The following SLC4A4 variants were observed in gnomAD, a reference collection of about 807,000 sequenced individuals.
SLC4A4 encodes the protein electrogenic sodium bicarbonate cotransporter 1.
SLC4A4 carries 27 observed loss-of-function variants against 111.5 expected under a neutral mutation model. That is an observed-to-expected ratio of 0.24 (90% confidence interval 0.18 to 0.33). SLC4A4 has a LOEUF of 0.33. Ranked by LOEUF, SLC4A4 falls within the 10% of genes least tolerant of loss-of-function variation. The pLI is 1.00. For synonymous variants in SLC4A4, 443 were observed against 463.4 expected, an observed-to-expected ratio of 0.96 and a Z score of 0.57; for missense variants, 909 against 1,315.5, an observed-to-expected ratio of 0.69 and a Z score of 4.78.
At chr4:71,397,754 C>G in intron 7 of SLC4A4, 101 bp downstream of exon 7, 2 of 1,023,046 alleles carry the variant, frequency 2.0e-6, no homozygotes, top group Non-Finnish European at 3.1e-6. Context: ...TAAAATGGAC[C>G]TTTACGTGCA....
At chr4:71,542,579 G>A (rs757982885) in intron 18 of SLC4A4, among the ~76,000 whole-genome samples, 1 of 151,908 alleles carries the variant, frequency 6.6e-6, no homozygotes, top group African/African-American at 2.4e-5. Context: ...TCTCAGAATG[G>A]CAACTTGCTT....
chr4:71,503,453 G>A (rs1313264068), intron 16 of SLC4A4, among the ~76,000 whole-genome samples: 2 of 151,638 alleles, frequency 1.3e-5, no homozygotes, highest in Admixed American at 6.6e-5. Context: ...CCTTTCTCAT[G>A]TGTTTATCAG....
chr4:71,421,006 G>T (rs1328457580), intron 7 of SLC4A4, among the ~76,000 whole-genome samples: 3 of 148,058 alleles, frequency 2.0e-5, no homozygotes, highest in African/African-American at 7.5e-5. Flanking sequence ...AAATGTAAAT[G>T]GACTAAATGC....
chr4:71,154,763 GAA>G (rs1450895549), intron 2 of SLC4A4, among the ~76,000 whole-genome samples: 1 of 151,740 alleles, frequency 6.6e-6, no homozygotes, highest in Admixed American at 6.6e-5. Context: ...GAAGAAACTA[GAA>G]AAAAAGCAAA....
intron 2 of SLC4A4, among the ~76,000 whole-genome samples, chr4:71,155,829 T>C (rs759118681): frequency 3.9e-5 from 6 of 152,168 alleles, no homozygotes; most frequent in Non-Finnish European, 7.4e-5. Flanking sequence ...ATAACCCAAT[T>C]AATTGGGGGC....
At chr4:71,083,881 TG>T (rs889345350) in intron 1 of SLC4A4, among the ~76,000 whole-genome samples, 2 of 150,192 alleles carry the variant, frequency 1.3e-5, no homozygotes, top group African/African-American at 4.9e-5. Context: ...GTGCATTGCC[TG>T]GCACATGGTA....
In SLC4A4 at chr4:71,457,684, C is replaced by A. The variant is rs573213529; in HGVS notation, c.1497+4015C>A. ...TGTCAGGTAAACAAAGGCTTTTCAT[C>A]CTTACCATCCTAAATAACGTGTCCC... On this transcript the variant is annotated intron_variant, in intron 12 of 25. Transcript: ENST00000264485. 8.5e-5 allele frequency among the ~76,000 whole-genome samples: 13 copies of A among 152,218 alleles called. No homozygotes were observed. The South Asian group carries it at 2.7e-3, about 32-fold the overall frequency.
chr4:71,464,567 T>G (rs1727142579), intron 12 of SLC4A4, among the ~76,000 whole-genome samples: 1 of 152,158 alleles, frequency 6.6e-6, no homozygotes, highest in Non-Finnish European at 1.5e-5. Context: ...CTGCCAGGCT[T>G]CAAACCTAGA....
chr4:71,158,267 A>G (rs1331198109), intron 2 of SLC4A4, among the ~76,000 whole-genome samples: 1 of 152,098 alleles, frequency 6.6e-6, no homozygotes, highest in Non-Finnish European at 1.5e-5. Flanking sequence ...ACAAATGTAC[A>G]ACTGTGACCT....
chr4:71,310,156 C>A (rs535971974), intron 3 of SLC4A4, among the ~76,000 whole-genome samples: 1 of 151,874 alleles, frequency 6.6e-6, no homozygotes, highest in Non-Finnish European at 1.5e-5. Flanking sequence ...AAGGAATGAA[C>A]AAAACCTCCA....
chr4:71,416,543 G>A (rs1454466431), intron 7 of SLC4A4, among the ~76,000 whole-genome samples: 1 of 152,054 alleles, frequency 6.6e-6, no homozygotes, highest in East Asian at 1.9e-4. Flanking sequence ...TAGATAAGGG[G>A]GAATTTCTAA....
intron 7 of SLC4A4, among the ~76,000 whole-genome samples, chr4:71,436,283 T>G (rs1724138846): frequency 6.6e-6 from 1 of 152,084 alleles, no homozygotes; most frequent in Non-Finnish European, 1.5e-5. Context: ...CTGGAAACCA[T>G]CATTCTCAGC....
chr4:71,563,664 A>T, intron 23 of SLC4A4, 129 bp from the exon 24 acceptor site: 2 of 709,352 alleles, frequency 2.8e-6, no homozygotes, highest in South Asian at 1.6e-5. Context: ...GGCAAACTGG[A>T]AGTAATTATA....
chr4:71,347,310 G>A (rs1410432096), intron 4 of SLC4A4, among the ~76,000 whole-genome samples: 1 of 152,114 alleles, frequency 6.6e-6, no homozygotes. Context: ...TTGGACAGTT[G>A]AGGATTGTCT....
At chr4:71,536,601 A>T (rs1217280403) in intron 18 of SLC4A4, among the ~76,000 whole-genome samples, 1 of 149,692 alleles carries the variant, frequency 6.7e-6, no homozygotes, top group Non-Finnish European at 1.5e-5. Flanking sequence ...GGTTCAAGTG[A>T]TTCTCCTGCC....
intron 3 of SLC4A4, among the ~76,000 whole-genome samples, chr4:71,259,113 C>T (rs904676145): frequency 2.0e-5 from 3 of 152,030 alleles, no homozygotes; most frequent in African/African-American, 7.3e-5. Flanking sequence ...GTGCTTCATC[C>T]GTGGCAATAT....
At position 71,551,544 on chromosome 4, in the gene SLC4A4, A is replaced by G. The variant is rs527385598; in HGVS notation, c.2695-3596A>G. On this transcript the variant is annotated intron_variant, in intron 20 of 25. Coordinates refer to ENST00000264485, the MANE Select transcript of SLC4A4 (RefSeq NM_001098484.3). ...AAAAATTGTCTCTCTTTTACACATA[A>G]GAAAATTTATTAATGACTTACCAGG... Among the ~76,000 whole-genome samples, 28 of 152,046 alleles carry G rather than the reference A, an allele frequency of 1.8e-4. No homozygotes were observed. The South Asian group carries it at 2.5e-3, about 14-fold the overall frequency.
At chr4:71,567,189 A>G (rs749993638) in intron 25 of SLC4A4, 106 bp downstream of exon 25, 62 of 901,232 alleles carry the variant, frequency 6.9e-5, no homozygotes, top group Non-Finnish European at 1.0e-4. Flanking sequence ...CTTCGTCTCT[A>G]TTATTTATCT....
At chr4:71,100,231 G>A (rs1742684131) in intron 2 of SLC4A4, among the ~76,000 whole-genome samples, 2 of 152,008 alleles carry the variant, frequency 1.3e-5, no homozygotes, top group Admixed American at 1.3e-4. Context: ...GAATCCAGCA[G>A]CACATCAAAA....
Sources: allele counts gnomAD v4.1 joint callset (sites outside exome capture counted in the v4.1 genomes callset), GRCh38; gene constraint gnomAD v4.1.1; transcripts MANE v1.5; gene names NCBI Gene and HGNC (gene_info 2026-07-23, HGNC 2026-07-21).